MND1: variants seen among roughly 807,000 people sequenced by gnomAD.
MND1 encodes meiotic nuclear divisions 1, also known as meiotic nuclear division protein 1 homolog.
A neutral mutation model predicts 35.1 loss-of-function variants in MND1; 28 were observed. The ratio of observed to expected loss-of-function variants is 0.80; its 90% CI spans 0.59 to 1.09. The LOEUF (loss-of-function observed/expected upper bound fraction) is 1.09. Among genes scored for constraint, MND1 ranks in the 50% least tolerant of loss-of-function variants. The pLI is 0.00. For synonymous variants in MND1, 69 were observed against 70.5 expected, an observed-to-expected ratio of 0.98 and a Z score of 0.11; for missense variants, 213 against 239.6, an observed-to-expected ratio of 0.89 and a Z score of 0.73.
intron 4 of MND1, among the ~76,000 whole-genome samples, chr4:153,368,564 G>T (rs889427564): frequency 5.3e-5 from 8 of 152,146 alleles, no homozygotes; most frequent in Admixed American, 5.2e-4. Context: ...TCCTGAAAAA[G>T]GCAAAGCTTC....
chr4:153,345,106 G>A (rs1773040505), intron 1 of MND1, among the ~76,000 whole-genome samples: 1 of 152,238 alleles, frequency 6.6e-6, no homozygotes, highest in Non-Finnish European at 1.5e-5. Context: ...AAAAGACCAC[G>A]GGGCCCTTGA....
intron 4 of MND1, among the ~76,000 whole-genome samples, chr4:153,386,725 A>G (rs560465862): frequency 1.3e-5 from 2 of 152,268 alleles, no homozygotes; most frequent in African/African-American, 4.8e-5. Context: ...CAACAACAAC[A>G]ACAACAAAAA....
At chr4:153,365,755 G>A (rs1220898422) in intron 4 of MND1, among the ~76,000 whole-genome samples, 1 of 152,132 alleles carries the variant, frequency 6.6e-6, no homozygotes, top group African/African-American at 2.4e-5. Context: ...GTGAGCCATT[G>A]TGCCTGGCCA....
rs1310260420 is a variant in MND1 at position 153,344,705 on chromosome 4, G to A, written c.-33G>A. On this transcript the variant is annotated 5_prime_UTR_variant, in exon 1 of 8. Coordinates refer to ENST00000240488, the MANE Select transcript of MND1 (RefSeq NM_032117.4). ...TGTCCCGCCCCTCTCCCCAAGCGCG[G>A]GCCCGGCCAGCGGAAGCCCCTGCGC... is the stretch of plus-strand genomic sequence containing the variant. 1.3e-6 allele frequency: 2 copies of A among 1,578,870 alleles called. No individual in the cohort carries two copies. Among genetic ancestry groups the A allele is most frequent in the South Asian group, 2.3e-5 (2 of 87,102 alleles).
At chr4:153,413,376 T>C (rs1729742877) in intron 7 of MND1, among the ~76,000 whole-genome samples, 1 of 152,046 alleles carries the variant, frequency 6.6e-6, no homozygotes, top group Non-Finnish European at 1.5e-5. Context: ...ATTAAAGAAA[T>C]GTATGAAATT....
chr4:153,359,854 C>T (rs1291979782), intron 4 of MND1, among the ~76,000 whole-genome samples: 1 of 134,336 alleles, frequency 7.4e-6, no homozygotes, highest in East Asian at 2.3e-4. Flanking sequence ...ATGGTGCGAT[C>T]TCAGCTCACT....
chr4:153,390,781 A>G (rs1215124453), intron 4 of MND1, among the ~76,000 whole-genome samples: 1 of 151,978 alleles, frequency 6.6e-6, no homozygotes, highest in Non-Finnish European at 1.5e-5. Context: ...CTGGAAGGCA[A>G]AGGTTGCAGT....
intron 4 of MND1, among the ~76,000 whole-genome samples, chr4:153,362,513 T>C (rs57323336): frequency 0.025 from 3,766 of 152,308 alleles, 148 homozygotes; most frequent in African/African-American, 0.082. Context: ...GAAGCCACCA[T>C]GCTTCCAAGT....
intron 4 of MND1, among the ~76,000 whole-genome samples, chr4:153,360,179 G>C (rs757154792): frequency 6.6e-6 from 1 of 152,030 alleles, no homozygotes; most frequent in African/African-American, 2.4e-5. Flanking sequence ...TTGTTTTCTC[G>C]TTATTGAGTT....
intron 6 of MND1, among the ~76,000 whole-genome samples, chr4:153,400,291 TTGTAA>T (rs1008508231): frequency 2.6e-5 from 4 of 152,134 alleles, no homozygotes; most frequent in Admixed American, 6.5e-5. Flanking sequence ...CCTGGAGAAC[TTGTAA>T]TGGAGTCTAT....
At chr4:153,379,251 C>G (rs555311240) in intron 4 of MND1, among the ~76,000 whole-genome samples, 1 of 141,486 alleles carries the variant, frequency 7.1e-6, no homozygotes, top group Non-Finnish European at 1.5e-5. Flanking sequence ...GATCCTGCCA[C>G]TGCACTCCAG....
intron 4 of MND1, among the ~76,000 whole-genome samples, chr4:153,393,186 C>G (rs1729093592): frequency 6.6e-6 from 1 of 151,920 alleles, no homozygotes; most frequent in Non-Finnish European, 1.5e-5. Context: ...TTTTTTTCTT[C>G]TTTGAGAACA....
intron 4 of MND1, among the ~76,000 whole-genome samples, chr4:153,382,917 A>T (rs1458072450): frequency 2.0e-5 from 3 of 152,246 alleles, no homozygotes; most frequent in Non-Finnish European, 4.4e-5. Flanking sequence ...CAGCCTAGAC[A>T]ACTTGAGTGA....
At chr4:153,401,846 C>T (rs1056318965) in intron 6 of MND1, among the ~76,000 whole-genome samples, 12 of 152,168 alleles carry the variant, frequency 7.9e-5, no homozygotes, top group African/African-American at 2.9e-4. Context: ...ATGAGAAATA[C>T]ATATATTTAA....
chr4:153,347,975 G>C (rs1426818771), intron 1 of MND1, among the ~76,000 whole-genome samples: 1 of 152,108 alleles, frequency 6.6e-6, no homozygotes, highest in Non-Finnish European at 1.5e-5. Flanking sequence ...CTGGATGTCT[G>C]GGAGCCACTG....
Position 153,397,283 on chromosome 4 carries a change from C to T in MND1, c.416C>T (p.Ala139Val). Reference protein sequence around the residue: ...SLRDQREQLKAEVEKYKDCDP... With the variant: ...SLRDQREQLKVEVEKYKDCDP... Reference sequence around the variant, plus strand: ...CGAGACCAAAGGGAACAGCTAAAGGCAGAAGTAGAAAAATACAAAGACTGT... The same window carrying T: ...CGAGACCAAAGGGAACAGCTAAAGGTAGAAGTAGAAAAATACAAAGACTGT... The change falls in exon 6 of 8, where the codon GCA becomes GTA. Residue 139 changes from alanine (A) to valine (V), a missense_variant. By Grantham distance (64) the Ala-to-Val change is moderately conservative. Coordinates refer to ENST00000240488, the MANE Select transcript of MND1 (RefSeq NM_032117.4). The T allele has an allele frequency of 6.2e-7, 1 of 1,612,702 alleles. No homozygotes were observed. Among genetic ancestry groups the T allele is most frequent in the Non-Finnish European group, 8.5e-7 (1 of 1,179,296 alleles).
In MND1 at chr4:153,355,708, A is replaced by G. The variant is rs758588396; in HGVS notation, c.124A>G (p.Ile42Val). The change falls in exon 3 of 8, where the codon ATT (isoleucine) becomes GTT (valine). Residue 42 changes from isoleucine (I) to valine (V), a missense_variant. Physicochemically the swap from Ile to Val is conservative, Grantham distance 29. Transcript: ENST00000240488. ...LEKIAPKEKGITAMSVKEVLQ... is the reference protein window; with the variant it reads ...LEKIAPKEKGVTAMSVKEVLQ... Reference sequence around the variant, plus strand: ...GAAGATTGCTCCCAAAGAGAAAGGCATTAGTAAGTACCAAAGTTATACTGG... The same window carrying G: ...GAAGATTGCTCCCAAAGAGAAAGGCGTTAGTAAGTACCAAAGTTATACTGG... 3 of 1,564,058 alleles carry G rather than the reference A, an allele frequency of 1.9e-6. No individual in the cohort carries two copies. The highest frequency in any genetic ancestry group is 2.7e-5 in the African/African-American group (2 of 73,534).
Position 153,408,954 on chromosome 4 carries a change from A to T in MND1, c.467-17A>T. Reference sequence around the variant, plus strand: ...TATATAAATACATTTCATTTTATATATATAATTTTTTTTCAGGCCAAGCAA... The same window carrying T: ...TATATAAATACATTTCATTTTATATTTATAATTTTTTTTCAGGCCAAGCAA... On this transcript the variant is annotated splice_polypyrimidine_tract_variant and intron_variant, in intron 6 of 7. Coordinates refer to ENST00000240488, the MANE Select transcript of MND1 (RefSeq NM_032117.4). 9.1e-7 allele frequency: 1 copy of T among 1,098,284 alleles called. No homozygotes were observed. Among genetic ancestry groups the T allele is most frequent in the Non-Finnish European group, 1.2e-6 (1 of 843,036 alleles). The allele number at this position is 1,098,284 out of a possible 1,614,324, so 68.0% of individuals were successfully genotyped here. A position where few individuals can be genotyped will look rare whatever the true frequency, so the allele number is the denominator to read the frequency against.
intron 6 of MND1, among the ~76,000 whole-genome samples, chr4:153,403,569 C>A (rs1729403099): frequency 6.6e-6 from 1 of 152,082 alleles, no homozygotes; most frequent in African/African-American, 2.4e-5. Context: ...ACTCTACGAG[C>A]AACAATCCTG....
Sources: allele counts gnomAD v4.1 joint callset (sites outside exome capture counted in the v4.1 genomes callset), GRCh38; gene constraint gnomAD v4.1.1; transcripts MANE v1.5; gene names NCBI Gene and HGNC (gene_info 2026-07-23, HGNC 2026-07-21).